Variants in AKAP6 observed in about 807,000 individuals in gnomAD.
The protein encoded by AKAP6 is A-kinase anchoring protein 6.
AKAP6 carries 58 observed loss-of-function variants against 188.5 expected under a neutral mutation model. That is an observed-to-expected ratio of 0.31 (90% CI 0.25 to 0.38). The LOEUF (loss-of-function observed/expected upper bound fraction) is 0.38, where lower values mean the gene tolerates loss of function less well. Ranked by LOEUF, AKAP6 falls within the 10% of genes least tolerant of loss-of-function variation. AKAP6 has a pLI of 1.00. For missense variants in AKAP6, 2,710 were observed against 2,740.0 expected, an observed-to-expected ratio of 0.99 and a Z score of 0.24; for synonymous variants, 989 against 998.6, an observed-to-expected ratio of 0.99 and a Z score of 0.18.
chr14:32,826,352 C>T (rs1229100178), intron 13 of AKAP6, among the ~76,000 whole-genome samples: 2 of 152,162 alleles, frequency 1.3e-5, no homozygotes, highest in Non-Finnish European at 2.9e-5. Context: ...CATGTCCACC[C>T]TATAATCACA....
chr14:32,778,435 T>C (rs545900063), intron 12 of AKAP6, among the ~76,000 whole-genome samples: 2 of 152,318 alleles, frequency 1.3e-5, no homozygotes, highest in African/African-American at 4.8e-5. Flanking sequence ...CTATGTGGTT[T>C]TTATTCTATG....
chr14:32,735,051 A>G (rs958764695), intron 10 of AKAP6, among the ~76,000 whole-genome samples: 13 of 152,196 alleles, frequency 8.5e-5, no homozygotes, highest in African/African-American at 3.1e-4. Flanking sequence ...CCAGAAATGC[A>G]AAATGGAAAG....
intron 12 of AKAP6, among the ~76,000 whole-genome samples, chr14:32,778,164 C>T (rs1206484305): frequency 7.2e-5 from 11 of 152,276 alleles, no homozygotes; most frequent in South Asian, 2.1e-4. Context: ...CATTACCCAT[C>T]GACCTGTACC....
At chr14:32,420,247 G>A (rs1027828359) in intron 1 of AKAP6, among the ~76,000 whole-genome samples, 2 of 151,994 alleles carry the variant, frequency 1.3e-5, no homozygotes, top group African/African-American at 4.8e-5. Context: ...GGATGGTATG[G>A]CTACTCCCTG....
chr14:32,577,566 G>A (rs1369101577), intron 5 of AKAP6, among the ~76,000 whole-genome samples: 1 of 149,076 alleles, frequency 6.7e-6, no homozygotes, highest in Non-Finnish European at 1.5e-5. Context: ...ACAAATAAAT[G>A]AAAGAGATGA....
At chr14:32,405,594 A>G (rs1470640303) in intron 1 of AKAP6, among the ~76,000 whole-genome samples, 1 of 152,102 alleles carries the variant, frequency 6.6e-6, no homozygotes, top group Non-Finnish European at 1.5e-5. Context: ...TCCCCACCCA[A>G]AATCTCATCT....
At chr14:32,587,165 T>G (rs560393082) in intron 5 of AKAP6, among the ~76,000 whole-genome samples, 5 of 152,364 alleles carry the variant, frequency 3.3e-5, no homozygotes, top group African/African-American at 1.2e-4. Context: ...TAGAGTCATC[T>G]GTATTTCCTT....
chr14:32,483,312 C>G (rs1309462728), intron 2 of AKAP6, among the ~76,000 whole-genome samples: 2 of 151,812 alleles, frequency 1.3e-5, no homozygotes, highest in Admixed American at 1.3e-4. Flanking sequence ...TTTGTCCAGT[C>G]TTTTTGATTT....
chr14:32,510,451 C>CACAT (rs1555335176), intron 2 of AKAP6, among the ~76,000 whole-genome samples: 9,674 of 35,690 alleles, frequency 0.27, 666 homozygotes, highest in Non-Finnish European at 0.32. Context: ...TATATATATA[C>CACAT]ATATATATGT....
At chr14:32,813,337 C>A (rs1396653714) in intron 12 of AKAP6, among the ~76,000 whole-genome samples, 1 of 151,200 alleles carries the variant, frequency 6.6e-6, no homozygotes, top group Non-Finnish European at 1.5e-5. Context: ...CCTAGAAGTT[C>A]ATCAAATCTC....
At position 32,453,575 on chromosome 14, in the gene AKAP6, C is replaced by CTTTTTTTTTTTTTTTTTT. The variant is rs71115071; in HGVS notation, c.324+19780_324+19797dup. Among the ~76,000 whole-genome samples, 29 of 95,356 alleles carry CTTTTTTTTTTTTTTTTTT rather than the reference C, an allele frequency of 3.0e-4. 7 individuals carry two copies. The highest frequency in any genetic ancestry group is 7.2e-4 in the Admixed American group (5 of 6,914). The allele number at this position is 95,356 out of a possible 152,430, so 62.6% of individuals were successfully genotyped here. ...GTGGAGATAATAGAATTTTTCTTTT[C>CTTTTTTTTTTTTTTTTTT]TTTTTTTTTTTTTTTTTTTTTTTTT... On this transcript the variant is annotated intron_variant, in intron 2 of 13. Transcript: ENST00000280979.
chr14:32,364,639 T>A (rs1382164475), intron 1 of AKAP6, among the ~76,000 whole-genome samples: 5 of 152,322 alleles, frequency 3.3e-5, no homozygotes, highest in South Asian at 4.1e-4. Context: ...CCATTTCCTA[T>A]CTCGGCGCTG....
intron 12 of AKAP6, among the ~76,000 whole-genome samples, chr14:32,789,517 G>A (rs1350047833): frequency 6.6e-6 from 1 of 152,190 alleles, no homozygotes; most frequent in Admixed American, 6.5e-5. Context: ...GCTTCCAGAG[G>A]AAGGAGCTGG....
chr14:32,802,775 A>C (rs1997898), intron 12 of AKAP6, among the ~76,000 whole-genome samples: 39,963 of 152,114 alleles, frequency 0.26, 6,081 homozygotes, highest in African/African-American at 0.43. Flanking sequence ...AAGAGTATTT[A>C]ACATCCTTAA....
intron 2 of AKAP6, among the ~76,000 whole-genome samples, chr14:32,451,554 C>G (rs980548580): frequency 2.0e-5 from 3 of 152,158 alleles, no homozygotes; most frequent in Admixed American, 6.5e-5. Flanking sequence ...GGCATTGCAG[C>G]TTTTTAGATA....
intron 13 of AKAP6, among the ~76,000 whole-genome samples, chr14:32,828,529 T>TCACACACACACACA (rs55957852): frequency 2.6e-5 from 2 of 75,954 alleles, no homozygotes; most frequent in African/African-American, 9.6e-5. Context: ...TCTCTCTCTC[T>TCACACACACACACA]CACACACACA....
chr14:32,543,129 A>G (rs1468174060), intron 3 of AKAP6, among the ~76,000 whole-genome samples: 2 of 152,208 alleles, frequency 1.3e-5, no homozygotes, highest in Non-Finnish European at 1.5e-5. Flanking sequence ...ACCCTGCTAT[A>G]GAAACCAGAA....
intron 5 of AKAP6, among the ~76,000 whole-genome samples, chr14:32,584,154 G>A (rs1194991101): frequency 1.3e-5 from 2 of 152,186 alleles, no homozygotes; most frequent in East Asian, 3.9e-4. Flanking sequence ...AAGTACAGTG[G>A]TCCCTCTTAT....
intron 12 of AKAP6, among the ~76,000 whole-genome samples, chr14:32,810,507 C>T (rs948129782): frequency 6.6e-6 from 1 of 152,026 alleles, no homozygotes; most frequent in East Asian, 1.9e-4. Flanking sequence ...AAAAAGAAAC[C>T]CTCCCAGGGG....
Sources: allele counts gnomAD v4.1 joint callset (sites outside exome capture counted in the v4.1 genomes callset), GRCh38; gene constraint gnomAD v4.1.1; transcripts MANE v1.5; gene names NCBI Gene and HGNC (gene_info 2026-07-23, HGNC 2026-07-21).